MMAA: variants seen among roughly 807,000 people sequenced by gnomAD.
The protein encoded by MMAA is methylmalonic aciduria type A protein, mitochondrial.
MMAA carries 41 observed loss-of-function variants against 45.0 expected under a neutral mutation model. The observed-to-expected ratio is 0.91, with a 90% confidence interval of 0.71 to 1.18. MMAA has a LOEUF of 1.18. Among genes scored for constraint, MMAA ranks in the 50% most tolerant of loss-of-function variants. The pLI, the probability that MMAA is intolerant of heterozygous loss-of-function variation, is 0.00. For missense variants in MMAA, 460 were observed against 495.7 expected, an observed-to-expected ratio of 0.93 and a Z score of 0.68; for synonymous variants, 154 against 178.2, an observed-to-expected ratio of 0.86 and a Z score of 1.08.
chr4:145,649,525 G>A (rs982923775), intron 4 of MMAA, among the ~76,000 whole-genome samples: 4 of 152,108 alleles, frequency 2.6e-5, no homozygotes, highest in African/African-American at 9.7e-5. Context: ...AGCAGAGAGG[G>A]GTGGCATAAG....
At chr4:145,633,641 A>T (rs1210463846) in intron 1 of MMAA, among the ~76,000 whole-genome samples, 1 of 152,108 alleles carries the variant, frequency 6.6e-6, no homozygotes, top group East Asian at 1.9e-4. Context: ...GGTGGTCTTG[A>T]TACTTACAGA....
chr4:145,653,919 A>G, intron 5 of MMAA, 75 bp from the exon 6 acceptor site: 1 of 1,472,818 alleles, frequency 6.8e-7, no homozygotes, highest in Non-Finnish European at 9.5e-7. Flanking sequence ...GAAATGTATG[A>G]CTTTCAAAAT....
intron 2 of MMAA, among the ~76,000 whole-genome samples, chr4:145,640,540 A>C (rs573052896): frequency 2.5e-4 from 38 of 152,034 alleles, no homozygotes; most frequent in African/African-American, 8.9e-4. Context: ...TTTTTTGTAG[A>C]GATGGGGTCT....
intron 1 of MMAA, chr4:145,625,158 C>T (rs1332501027): frequency 5.0e-6 from 7 of 1,404,134 alleles, no homozygotes; most frequent in Non-Finnish European, 7.0e-6. Context: ...AGATCTTCAA[C>T]CTTTTCCATT....
At chr4:145,638,143 G>T (rs1727670273) in intron 1 of MMAA, among the ~76,000 whole-genome samples, 1 of 152,208 alleles carries the variant, frequency 6.6e-6, no homozygotes, top group Non-Finnish European at 1.5e-5. Flanking sequence ...GCCGAGGCGG[G>T]CGGCTCACGA....
intron 4 of MMAA, among the ~76,000 whole-genome samples, chr4:145,647,597 G>A (rs773003978): frequency 9.8e-5 from 15 of 152,288 alleles, no homozygotes; most frequent in Non-Finnish European, 1.9e-4. Context: ...GGTGCCCATA[G>A]GGTTGGTTTT....
intron 1 of MMAA, chr4:145,625,806 A>T: frequency 1.7e-6 from 2 of 1,155,676 alleles, no homozygotes; most frequent in Admixed American, 1.7e-5. Flanking sequence ...AAGCTGATAG[A>T]TGAGGTCCAC....
intron 3 of MMAA, among the ~76,000 whole-genome samples, chr4:145,645,169 T>C (rs1024843632): frequency 2.6e-5 from 4 of 152,076 alleles, no homozygotes; most frequent in South Asian, 4.2e-4. Context: ...AAAATGTCAT[T>C]TGCAAAAATA....
intron 1 of MMAA, among the ~76,000 whole-genome samples, chr4:145,630,388 T>C (rs1734310901): frequency 6.6e-6 from 1 of 152,224 alleles, no homozygotes; most frequent in African/African-American, 2.4e-5. Context: ...GGATCATCTC[T>C]CTTTTTTCCT....
Position 145,638,141 on chromosome 4 carries a change from G to A in MMAA, c.-65-934G>A, listed in dbSNP as rs539166492. Among the ~76,000 whole-genome samples the A allele has an allele frequency of 5.3e-5, 8 of 152,092 alleles. 1 individual carries two copies. The East Asian group carries it at 7.8e-4, about 15-fold the overall frequency. The stretch of plus-strand genomic sequence containing the variant: ...TCCCAGCACTTTGGGAGGCCGAGGC[G>A]GGCGGCTCACGAGGTCAGGAGATCG... On this transcript the variant is annotated intron_variant, in intron 1 of 6. Transcript: ENST00000649156.
At chr4:145,644,467 ATATGTGGAAACAT>A (rs1459816578) in intron 3 of MMAA, among the ~76,000 whole-genome samples, 2 of 152,228 alleles carry the variant, frequency 1.3e-5, no homozygotes, top group African/African-American at 2.4e-5. Flanking sequence ...ATGTGGAAAG[ATATGTGGAAACAT>A]TATGTGGAAA....
Position 145,654,236 on chromosome 4 carries a change from C to G in MMAA, c.969+93C>G, listed in dbSNP as rs1458455764. ...GTCCCAAACTAGACATATAATCAAT[C>G]TTGCTTCTATGTGAAGATGATAGTT... On this transcript the variant is annotated intron_variant, in intron 6 of 6. Transcript: ENST00000649156. The G allele has an allele frequency of 9.0e-6, 13 of 1,438,074 alleles. No homozygotes were observed. The East Asian group carries it at 2.7e-4, about 30-fold the overall frequency. 89.1% of individuals were successfully genotyped at this position (1,438,074 alleles called of 1,614,324 possible). A position where few individuals can be genotyped will look rare whatever the true frequency, so the allele number is the denominator to read the frequency against.
At chr4:145,639,026 G>A in intron 1 of MMAA, 49 bp from the exon 2 acceptor site, 3 of 951,898 alleles carry the variant, frequency 3.2e-6, no homozygotes, top group Non-Finnish European at 5.0e-6. Context: ...TACTACTTCA[G>A]TATTTTAGTT....
chr4:145,645,284 T>C (rs1371839726), intron 3 of MMAA, among the ~76,000 whole-genome samples: 2 of 152,234 alleles, frequency 1.3e-5, no homozygotes, highest in Non-Finnish European at 2.9e-5. Context: ...AGAGCTGTTG[T>C]ACCTTAGAAA....
chr4:145,646,341 T>C lies in MMAA; in HGVS notation c.733+185T>C, dbSNP rs1727928122. ...AATCTTTACCCTCCAAGATCTTATT[T>C]TAAAAAGTAAAAATAAGCCATCTAT... On this transcript the variant is annotated intron_variant, in intron 4 of 6. Transcript: ENST00000649156. 3 of 696,294 alleles carry C rather than the reference T, an allele frequency of 4.3e-6. No homozygotes were observed. The South Asian group carries it at 5.7e-5, about 13-fold the overall frequency. The allele number at this position is 696,294 out of a possible 1,614,324, so 43.1% of individuals were successfully genotyped here. A position where few individuals can be genotyped will look rare whatever the true frequency, so the allele number is the denominator to read the frequency against.
At chr4:145,622,438 T>C (rs775559137) in intron 1 of MMAA, among the ~76,000 whole-genome samples, 1 of 152,160 alleles carries the variant, frequency 6.6e-6, no homozygotes, top group African/African-American at 2.4e-5. Context: ...CAGACTAATA[T>C]ACTAGATATG....
intron 5 of MMAA, among the ~76,000 whole-genome samples, chr4:145,652,556 G>A (rs1225568662): frequency 5.3e-5 from 8 of 151,852 alleles, no homozygotes; most frequent in East Asian, 3.9e-4. Flanking sequence ...GTGAAACCCC[G>A]TCTCTACTAA....
chr4:145,620,204 G>A (rs1241282878), intron 1 of MMAA, among the ~76,000 whole-genome samples: 1 of 152,144 alleles, frequency 6.6e-6, no homozygotes, highest in Non-Finnish European at 1.5e-5. Context: ...CTAAATACCG[G>A]TTTGTGTTCA....
At chr4:145,639,017 A>G in intron 1 of MMAA, 58 bp from the exon 2 acceptor site, 1 of 880,060 alleles carries the variant, frequency 1.1e-6, no homozygotes, top group Non-Finnish European at 1.8e-6. Flanking sequence ...TTCAAATTTT[A>G]CTACTTCAGT....
Sources: gnomAD v4.1 joint callset for allele counts (sites outside exome capture counted in the v4.1 genomes callset) on GRCh38, gnomAD v4.1.1 for gene constraint, MANE v1.5 for transcripts, NCBI Gene and HGNC (gene_info 2026-07-23, HGNC 2026-07-21) for gene names.